EEF1AKMT1: variants seen among roughly 807,000 people sequenced by gnomAD.
The protein encoded by EEF1AKMT1 is EEF1A lysine methyltransferase 1, also known as N-6 adenine-specific DNA methyltransferase 2 (putative).
A neutral mutation model predicts 21.0 loss-of-function variants in EEF1AKMT1; 18 were observed. The ratio of observed to expected loss-of-function variants is 0.86; its 90% confidence interval spans 0.59 to 1.27. EEF1AKMT1 has a LOEUF of 1.27. Among genes scored for constraint, EEF1AKMT1 ranks in the 50% most tolerant of loss-of-function variants. The probability of loss-of-function intolerance (pLI) is 0.00; values close to 1 mark genes in which losing one functional copy is unlikely to be tolerated. For synonymous variants in EEF1AKMT1, 109 were observed against 94.8 expected, an observed-to-expected ratio of 1.15 and a Z score of -0.87; for missense variants, 246 against 258.6, an observed-to-expected ratio of 0.95 and a Z score of 0.33.
intron 2 of EEF1AKMT1, among the ~76,000 whole-genome samples, chr13:20,749,928 C>A (rs2058931624): frequency 6.6e-6 from 1 of 152,158 alleles, no homozygotes; most frequent in African/African-American, 2.4e-5. Context: ...TCATCATAAT[C>A]ATGTATCTTA....
At chr13:20,772,052 T>A (rs2059065524) in intron 1 of EEF1AKMT1, among the ~76,000 whole-genome samples, 1 of 152,108 alleles carries the variant, frequency 6.6e-6, no homozygotes, top group Admixed American at 6.5e-5. Flanking sequence ...TTTTTAACTA[T>A]TTTTTAAATC....
chr13:20,763,684 C>T (rs959682319), intron 1 of EEF1AKMT1, among the ~76,000 whole-genome samples: 1 of 152,100 alleles, frequency 6.6e-6, no homozygotes, highest in South Asian at 2.1e-4. Context: ...AACTCCTGAC[C>T]TCTGGTGATC....
intron 1 of EEF1AKMT1, among the ~76,000 whole-genome samples, chr13:20,771,919 G>A (rs1205772804): frequency 6.6e-6 from 1 of 151,854 alleles, no homozygotes; most frequent in Non-Finnish European, 1.5e-5. Context: ...GCTGAGACAG[G>A]AGAATCGCTT....
Position 20,736,733 on chromosome 13 carries a change from C to CTTTTTTTTT in EEF1AKMT1, c.227+981_227+989dup, listed in dbSNP as rs71087090. Among the ~76,000 whole-genome samples the CTTTTTTTTT allele has an allele frequency of 1.0e-4, 9 of 87,078 alleles. 1 individual carries two copies. Among genetic ancestry groups the CTTTTTTTTT allele is most frequent in the Non-Finnish European group, 1.2e-4 (6 of 48,222 alleles). 57.1% of individuals were successfully genotyped at this position (87,078 alleles called of 152,430 possible). A position where few individuals can be genotyped will look rare whatever the true frequency, so the allele number is the denominator to read the frequency against. On this transcript the variant is annotated intron_variant, in intron 3 of 4. Coordinates refer to ENST00000382758, the MANE Select transcript of EEF1AKMT1 (RefSeq NM_001318939.2). ...CATTAAGCCTTTTAGAACCATTTGA[C>CTTTTTTTTT]TTTTTTTTTTTTTTTTTTTTTTGAG...
chr13:20,738,658 G>A (rs1470935449), intron 2 of EEF1AKMT1, among the ~76,000 whole-genome samples: 3 of 152,180 alleles, frequency 2.0e-5, no homozygotes, highest in African/African-American at 7.2e-5. Flanking sequence ...CCATAAAAAG[G>A]AACAGGGTAC....
Position 20,767,703 on chromosome 13 carries a change from GA to G in EEF1AKMT1, c.-20+6217del, listed in dbSNP as rs1235495611. 2.0e-5 allele frequency among the ~76,000 whole-genome samples: 3 copies of G among 152,138 alleles called. No individual in the cohort carries two copies. In the East Asian group the frequency reaches 5.8e-4, roughly 29 times the overall value. Reference sequence around the variant, plus strand: ...GTGTTTATTGAGCTTCTTAAATTTGGAAAAACTCTGACCATTATTTCCCAAG... The same window carrying G: ...GTGTTTATTGAGCTTCTTAAATTTGGAAAACTCTGACCATTATTTCCCAAG... On this transcript the variant is annotated intron_variant, in intron 1 of 4. Transcript: ENST00000382758.
At chr13:20,763,581 T>C (rs1438509384) in intron 1 of EEF1AKMT1, among the ~76,000 whole-genome samples, 1 of 151,932 alleles carries the variant, frequency 6.6e-6, no homozygotes, top group Non-Finnish European at 1.5e-5. Flanking sequence ...GCCTCCCAAA[T>C]AGCTGGGATT....
chr13:20,729,487 T>TACACAC (rs71198993), intron 4 of EEF1AKMT1, among the ~76,000 whole-genome samples: 3 of 150,580 alleles, frequency 2.0e-5, no homozygotes, highest in Admixed American at 6.6e-5. Context: ...AAGCAGATTA[T>TACACAC]ACACACACAC....
At chr13:20,761,862 T>C (rs2059002864) in intron 1 of EEF1AKMT1, among the ~76,000 whole-genome samples, 1 of 152,190 alleles carries the variant, frequency 6.6e-6, no homozygotes. Flanking sequence ...AGGTGGAATG[T>C]GGGAGGCTGA....
rs551155848 is a variant in EEF1AKMT1, at chr13:20,738,392, T to C, written c.145-587A>G. Among the ~76,000 whole-genome samples, 34 of 152,380 alleles carry C rather than the reference T, an allele frequency of 2.2e-4. 1 individual carries two copies. The highest frequency in any genetic ancestry group is 3.7e-4 in the Non-Finnish European group (25 of 68,040). On this transcript the variant is annotated intron_variant, in intron 2 of 4. Transcript: ENST00000382758. ...TTTTTAAAAAATTTCTAGTGATCTT[T>C]ATCTATTCATAGTTATAAATTAAGC...
chr13:20,755,171 G>GATT (rs1260927895), intron 2 of EEF1AKMT1, among the ~76,000 whole-genome samples: 2 of 152,170 alleles, frequency 1.3e-5, no homozygotes, highest in East Asian at 3.9e-4. Context: ...ACTGGCAGTG[G>GATT]GGTTGCTTTG....
At chr13:20,750,558 G>C (rs141809010) in intron 2 of EEF1AKMT1, among the ~76,000 whole-genome samples, 144 of 152,214 alleles carry the variant, frequency 9.5e-4, no homozygotes, top group African/African-American at 3.3e-3. Flanking sequence ...ATTCCATTGT[G>C]TATATACACC....
At position 20,732,077 on chromosome 13, in the gene EEF1AKMT1, T is replaced by C; in HGVS notation, c.272A>G (p.Glu91Gly). 1 of 1,613,884 alleles carries C rather than the reference T, an allele frequency of 6.2e-7. No homozygotes were observed. Among genetic ancestry groups the C allele is most frequent in the Non-Finnish European group, 8.5e-7 (1 of 1,179,946 alleles). ...TATCGAAAAGTTTTCTCTGCACAGC[T>C]CTCTGAGTTTCTGGTAAACACTAGG... ...SAPSVYQKLR[E>G]LCRENFSIYI... Residue 91 changes from glutamate (E) to glycine (G), a missense_variant, in exon 4 of 5, where the codon GAG (glutamate) becomes GGG (glycine). By Grantham distance (98) the Glu-to-Gly change is moderately conservative (BLOSUM62 -2). Coordinates refer to ENST00000382758, the MANE Select transcript of EEF1AKMT1 (RefSeq NM_001318939.2).
intron 2 of EEF1AKMT1, among the ~76,000 whole-genome samples, chr13:20,754,705 G>T (rs973971102): frequency 6.8e-6 from 1 of 147,780 alleles, no homozygotes; most frequent in Non-Finnish European, 1.5e-5. Context: ...AGGCCAGCCT[G>T]GCCAACATGG....
intron 2 of EEF1AKMT1, among the ~76,000 whole-genome samples, chr13:20,748,307 G>A (rs1486029878): frequency 2.6e-5 from 4 of 152,046 alleles, no homozygotes; most frequent in African/African-American, 9.7e-5. Flanking sequence ...ATGGTGGCGG[G>A]CGCCTGTAGT....
chr13:20,744,020 T>A (rs1178874380), intron 2 of EEF1AKMT1, among the ~76,000 whole-genome samples: 1 of 152,224 alleles, frequency 6.6e-6, no homozygotes, highest in African/African-American at 2.4e-5. Flanking sequence ...GCAAAGGACA[T>A]GAACTCATCC....
At chr13:20,745,220 A>G (rs1353603372) in intron 2 of EEF1AKMT1, among the ~76,000 whole-genome samples, 2 of 152,220 alleles carry the variant, frequency 1.3e-5, no homozygotes, top group Non-Finnish European at 2.9e-5. Flanking sequence ...TCTGCAAAGA[A>G]AGTCAATGGT....
intron 2 of EEF1AKMT1, among the ~76,000 whole-genome samples, chr13:20,752,066 G>T (rs2058944486): frequency 6.6e-6 from 1 of 152,040 alleles, no homozygotes; most frequent in Non-Finnish European, 1.5e-5. Flanking sequence ...TTCTCTAGGT[G>T]TAAGATCATG....
intron 2 of EEF1AKMT1, among the ~76,000 whole-genome samples, chr13:20,743,369 T>C (rs570377214): frequency 3.3e-5 from 5 of 151,992 alleles, no homozygotes; most frequent in Admixed American, 2.0e-4. Flanking sequence ...GCCTGGCTAA[T>C]ACTTTTATTA....
Sources: gnomAD v4.1 joint callset for allele counts (sites outside exome capture counted in the v4.1 genomes callset) on GRCh38, gnomAD v4.1.1 for gene constraint, MANE v1.5 for transcripts, NCBI Gene and HGNC (gene_info 2026-07-23, HGNC 2026-07-21) for gene names.